Variants in GTF2IRD1 observed in about 807,000 individuals in gnomAD.
GTF2IRD1 encodes general transcription factor II-I repeat domain-containing protein 1.
Under a neutral mutation model 113.2 loss-of-function variants are expected in GTF2IRD1, and 26 were observed. The observed-to-expected ratio is 0.23, with a 90% confidence interval of 0.17 to 0.32. The LOEUF (loss-of-function observed/expected upper bound fraction) is 0.32, where lower values mean the gene tolerates loss of function less well. Among genes scored for constraint, GTF2IRD1 ranks in the 10% least tolerant of loss-of-function variants. The probability of loss-of-function intolerance (pLI) is 1.00; values close to 1 mark genes in which losing one functional copy is unlikely to be tolerated. For synonymous variants in GTF2IRD1, 484 were observed against 529.1 expected (o/e 0.91, Z 1.17); for missense variants, 864 against 1,280.8 (o/e 0.67, Z 4.97).
chr7:74,459,845 T>C (rs1189719183), intron 1 of GTF2IRD1, among the ~76,000 whole-genome samples: 1 of 151,884 alleles, frequency 6.6e-6, no homozygotes, highest in African/African-American at 2.4e-5. Context: ...GTGAGATGGA[T>C]GGGGTTTGGG....
chr7:74,524,292 C>A, intron 8 of GTF2IRD1, 138 bp downstream of exon 8: 1 of 612,100 alleles, frequency 1.6e-6, no homozygotes, highest in Non-Finnish European at 2.9e-6. Flanking sequence ...CTAATGTCAT[C>A]CGTCGCGGGC....
At chr7:74,553,485 G>A (rs1304685238) in intron 17 of GTF2IRD1, among the ~76,000 whole-genome samples, 2 of 151,782 alleles carry the variant, frequency 1.3e-5, no homozygotes, top group Admixed American at 6.6e-5. Context: ...AAGGGGTCTC[G>A]CTATGTTGCC....
intron 22 of GTF2IRD1, among the ~76,000 whole-genome samples, chr7:74,574,007 G>A (rs782356990): frequency 7.9e-5 from 12 of 152,160 alleles, no homozygotes; most frequent in Non-Finnish European, 1.8e-4. Flanking sequence ...CTTTGAGACA[G>A]AGTTGCGCTC....
At chr7:74,468,598 G>A (rs1793876146) in intron 1 of GTF2IRD1, among the ~76,000 whole-genome samples, 1 of 150,664 alleles carries the variant, frequency 6.6e-6, no homozygotes, top group African/African-American at 2.4e-5. Flanking sequence ...GGCAGAGGTT[G>A]CAGTGAGCCA....
intron 5 of GTF2IRD1, among the ~76,000 whole-genome samples, 162 bp downstream of exon 5, chr7:74,518,484 C>G (rs782498303): frequency 4.6e-5 from 7 of 152,154 alleles, no homozygotes; most frequent in African/African-American, 1.7e-4. Context: ...GAAGTGAAAG[C>G]GAAGTCATAG....
chr7:74,464,159 A>G (rs1793568066), intron 1 of GTF2IRD1, among the ~76,000 whole-genome samples: 1 of 152,148 alleles, frequency 6.6e-6, no homozygotes. Context: ...TTGTGGCTAG[A>G]GCCTAGATTA....
At chr7:74,598,215 CCT>C (rs1554372947) in intron 25 of GTF2IRD1, among the ~76,000 whole-genome samples, 1 of 113,368 alleles carries the variant, frequency 8.8e-6, no homozygotes, top group African/African-American at 6.9e-5. Context: ...AGAGTGAGAC[CCT>C]GTTTCCAAAA....
At chr7:74,521,008 G>A (rs1221436352) in intron 6 of GTF2IRD1, among the ~76,000 whole-genome samples, 200 bp from the exon 7 acceptor site, 11 of 151,924 alleles carry the variant, frequency 7.2e-5, no homozygotes, top group African/African-American at 1.2e-4. Flanking sequence ...CCTGGCTTTC[G>A]GCTAGCAGAT....
chr7:74,594,043 CA>C (rs1802248186), intron 24 of GTF2IRD1, among the ~76,000 whole-genome samples: 1 of 151,062 alleles, frequency 6.6e-6, no homozygotes, highest in Non-Finnish European at 1.5e-5. Context: ...ACTAAAAATA[CA>C]AAAAATTAGC....
chr7:74,499,637 C>T (rs1554338924), intron 1 of GTF2IRD1, among the ~76,000 whole-genome samples: 1 of 151,124 alleles, frequency 6.6e-6, no homozygotes, highest in Admixed American at 6.6e-5. Context: ...GGAATGCATG[C>T]ACACACCAAG....
intron 13 of GTF2IRD1, 107 bp from the exon 14 acceptor site, chr7:74,539,771 GA>G: frequency 2.9e-6 from 2 of 695,700 alleles, no homozygotes; most frequent in Non-Finnish European, 5.0e-6. Flanking sequence ...GAGACAGAAA[GA>G]AAAGGACCCT....
chr7:74,531,300 G>A (rs587632894), intron 9 of GTF2IRD1, among the ~76,000 whole-genome samples: 1 of 152,166 alleles, frequency 6.6e-6, no homozygotes, highest in East Asian at 1.9e-4. Flanking sequence ...GAATTCGGGC[G>A]ACAGAGATTG....
chr7:74,586,479 A>C (rs1562893831), intron 22 of GTF2IRD1, among the ~76,000 whole-genome samples: 1 of 152,138 alleles, frequency 6.6e-6, no homozygotes, highest in Non-Finnish European at 1.5e-5. Flanking sequence ...CTGGGCACGC[A>C]GGGGGGCTGG....
chr7:74,587,579 C>T (rs1241503234), intron 22 of GTF2IRD1, among the ~76,000 whole-genome samples: 2 of 152,142 alleles, frequency 1.3e-5, no homozygotes, highest in Non-Finnish European at 2.9e-5. Flanking sequence ...TTACCGAACC[C>T]GCCTGCCCCA....
At chr7:74,497,027 C>T (rs982983236) in intron 1 of GTF2IRD1, among the ~76,000 whole-genome samples, 1 of 151,868 alleles carries the variant, frequency 6.6e-6, no homozygotes, top group African/African-American at 2.4e-5. Flanking sequence ...CCAGGCATGG[C>T]GGTGCACACC....
intron 3 of GTF2IRD1, among the ~76,000 whole-genome samples, chr7:74,515,099 C>T (rs1424414702): frequency 6.8e-6 from 1 of 146,648 alleles, no homozygotes. Flanking sequence ...ACAGATGGAA[C>T]ATTCATCGAA....
chr7:74,579,685 T>C (rs1583944311), intron 22 of GTF2IRD1, among the ~76,000 whole-genome samples: 1 of 152,010 alleles, frequency 6.6e-6, no homozygotes, highest in East Asian at 1.9e-4. Context: ...AGTGTCTTGC[T>C]GTCATTCCGG....
intron 1 of GTF2IRD1, among the ~76,000 whole-genome samples, chr7:74,496,651 G>GGTGT (rs564432763): frequency 1.9e-4 from 28 of 149,888 alleles, no homozygotes; most frequent in African/African-American, 6.4e-4. Context: ...TGTGCGTGTG[G>GGTGT]GTGTGTGTGT....
intron 1 of GTF2IRD1, among the ~76,000 whole-genome samples, chr7:74,492,758 C>T (rs1240187482): frequency 1.3e-5 from 2 of 151,886 alleles, no homozygotes; most frequent in Non-Finnish European, 2.9e-5. Flanking sequence ...GCCATGCTCC[C>T]TCCAGAGGCT....
Sources: allele counts gnomAD v4.1 joint callset (sites outside exome capture counted in the v4.1 genomes callset), GRCh38; gene constraint gnomAD v4.1.1; transcripts MANE v1.5; gene names NCBI Gene and HGNC (gene_info 2026-07-23, HGNC 2026-07-21).